AHI1: variants seen among roughly 807,000 people sequenced by gnomAD.
AHI1 encodes the protein jouberin.
A neutral mutation model predicts 149.3 loss-of-function variants in AHI1; 123 were observed. The observed-to-expected ratio is 0.82, with a 90% CI of 0.71 to 0.96. AHI1 has a LOEUF of 0.96. Ranked by LOEUF, AHI1 falls within the 40% of genes least tolerant of loss-of-function variation. The pLI, the probability that AHI1 is intolerant of heterozygous loss-of-function variation, is 0.00. For missense variants in AHI1, 1,439 were observed against 1,422.7 expected (o/e 1.01, Z -0.18); for synonymous variants, 475 against 459.8 (o/e 1.03, Z -0.42).
chr6:135,434,972 T>C (rs1043744691), intron 15 of AHI1, among the ~76,000 whole-genome samples: 4 of 152,166 alleles, frequency 2.6e-5, no homozygotes, highest in African/African-American at 9.7e-5. Flanking sequence ...GATAAACCCA[T>C]ATGGCAGAAA....
chr6:135,422,673 A>T (rs1783373444), intron 20 of AHI1, among the ~76,000 whole-genome samples: 1 of 151,832 alleles, frequency 6.6e-6, no homozygotes, highest in Admixed American at 6.6e-5. Flanking sequence ...GTATGTATGT[A>T]GAGATGAGGT....
intron 7 of AHI1, among the ~76,000 whole-genome samples, chr6:135,463,571 T>G (rs1027803087): frequency 6.6e-6 from 1 of 152,100 alleles, no homozygotes; most frequent in African/African-American, 2.4e-5. Flanking sequence ...GAAATTGTAT[T>G]AATATTTTAT....
chr6:135,331,060 T>C (rs903348823), intron 24 of AHI1, among the ~76,000 whole-genome samples: 2 of 152,374 alleles, frequency 1.3e-5, no homozygotes, highest in Admixed American at 6.5e-5. Flanking sequence ...GGCATCACTA[T>C]AGAAATATCT....
At chr6:135,459,826 G>A (rs899310653) in intron 8 of AHI1, among the ~76,000 whole-genome samples, 5 of 151,198 alleles carry the variant, frequency 3.3e-5, no homozygotes, top group Non-Finnish European at 7.4e-5. Flanking sequence ...CATAAGGACT[G>A]AAAAAGAAGC....
chr6:135,422,670 T>C (rs1018042302), intron 20 of AHI1, among the ~76,000 whole-genome samples: 2 of 151,762 alleles, frequency 1.3e-5, no homozygotes, highest in African/African-American at 4.8e-5. Context: ...CATGTATGTA[T>C]GTAGAGATGA....
chr6:135,481,193 G>A (rs558961843), intron 5 of AHI1, among the ~76,000 whole-genome samples: 1 of 152,330 alleles, frequency 6.6e-6, no homozygotes, highest in African/African-American at 2.4e-5. Context: ...CTCATCAGAT[G>A]TGAATCCTTG....
chr6:135,297,441 G>C lies in AHI1; in HGVS notation c.3485+3059C>G, dbSNP rs1462022963. 1.3e-5 allele frequency: 6 copies of C among 455,990 alleles called. No individual in the cohort carries two copies. The East Asian group carries it at 2.1e-4, about 16-fold the overall frequency. 28.2% of individuals were successfully genotyped at this position (455,990 alleles called of 1,614,324 possible). On this transcript the variant is annotated intron_variant, in intron 27 of 28. Coordinates refer to ENST00000265602, the MANE Select transcript of AHI1 (RefSeq NM_001134831.2). ...AAAACTCAAGCCTTACCTTTATCTA[G>C]AGGCCTTCTCTAGCTATGCATATTC...
chr6:135,407,411 G>A (rs1218742716), intron 21 of AHI1, among the ~76,000 whole-genome samples: 4 of 152,140 alleles, frequency 2.6e-5, no homozygotes, highest in East Asian at 1.9e-4. Context: ...GAATAAAGAC[G>A]ACACTTTGTT....
intron 10 of AHI1, among the ~76,000 whole-genome samples, chr6:135,453,958 A>G (rs1193284814): frequency 6.6e-6 from 1 of 152,104 alleles, no homozygotes; most frequent in Non-Finnish European, 1.5e-5. Context: ...TGCCACAGAG[A>G]TCGTATTCTA....
At chr6:135,360,005 A>T (rs1793607075) in intron 23 of AHI1, among the ~76,000 whole-genome samples, 1 of 152,174 alleles carries the variant, frequency 6.6e-6, no homozygotes, top group Admixed American at 6.5e-5. Flanking sequence ...CTTAGTTTTA[A>T]ATTTAGATTA....
At position 135,466,144 on chromosome 6, in the gene AHI1, TC is replaced by T. The variant is rs1790716969; in HGVS notation, c.418del (p.Asp140ThrfsTer2). The stretch of plus-strand genomic sequence containing the variant: ...ATTCTCAGGAGTTTCCGGTTTCAGG[TC>T]TTGTGTAGTCAACTGGGGCACCGTC... ...IKTVPQLTTQDLKPETPENKV... is the reference protein window; with the variant it reads ...IKTVPQLTTQXLKPETPENKV... On this transcript the variant is annotated frameshift_variant, in exon 7 of 29. Coordinates refer to ENST00000265602, the MANE Select transcript of AHI1 (RefSeq NM_001134831.2). LOFTEE classifies it high-confidence loss of function. 1 of 1,613,802 alleles carries T rather than the reference TC, an allele frequency of 6.2e-7. No individual in the cohort carries two copies. The highest frequency in any genetic ancestry group is 8.5e-7 in the Non-Finnish European group (1 of 1,179,860).
At chr6:135,438,321 T>C (rs1354351870) in intron 15 of AHI1, 54 bp downstream of exon 15, 3 of 1,455,666 alleles carry the variant, frequency 2.1e-6, no homozygotes, top group African/African-American at 2.8e-5. Context: ...ATATTCTCTT[T>C]GCTTTCCTTG....
intron 23 of AHI1, among the ~76,000 whole-genome samples, chr6:135,363,677 G>A (rs1243421147): frequency 1.3e-5 from 2 of 150,006 alleles, no homozygotes; most frequent in African/African-American, 2.5e-5. Flanking sequence ...CGGGCGGGGG[G>A]CTGACCCCCC....
intron 24 of AHI1, among the ~76,000 whole-genome samples, chr6:135,324,176 A>C (rs937039324): frequency 2.6e-5 from 4 of 152,108 alleles, no homozygotes; most frequent in African/African-American, 9.7e-5. Context: ...ACAACAAAAA[A>C]AATTAGTTGG....
chr6:135,361,060 G>A (rs1162937395), intron 23 of AHI1, among the ~76,000 whole-genome samples: 2 of 152,002 alleles, frequency 1.3e-5, no homozygotes, highest in East Asian at 1.9e-4. Flanking sequence ...TAGTCAAATA[G>A]TTTTACTCTT....
At chr6:135,493,345 A>G (rs919839963) in intron 3 of AHI1, among the ~76,000 whole-genome samples, 1 of 152,202 alleles carries the variant, frequency 6.6e-6, no homozygotes, top group Non-Finnish European at 1.5e-5. Flanking sequence ...ATCCACATTC[A>G]TGTTCCTCTT....
At chr6:135,304,736 A>C (rs1046933081) in intron 26 of AHI1, among the ~76,000 whole-genome samples, 2 of 152,098 alleles carry the variant, frequency 1.3e-5, no homozygotes, top group African/African-American at 4.8e-5. Context: ...GTGCCACGGC[A>C]CTCCAACCTG....
At chr6:135,393,634 T>A (rs561018708) in intron 23 of AHI1, among the ~76,000 whole-genome samples, 35 of 152,236 alleles carry the variant, frequency 2.3e-4, no homozygotes, top group Non-Finnish European at 4.3e-4. Flanking sequence ...AATTAAACAT[T>A]TCTAAGGTTT....
At chr6:135,461,144 G>A (rs1029706622) in intron 8 of AHI1, among the ~76,000 whole-genome samples, 1 of 151,918 alleles carries the variant, frequency 6.6e-6, no homozygotes, top group African/African-American at 2.4e-5. Context: ...CGACATTTGC[G>A]ATATAAATGT....
Sources: gnomAD v4.1 joint callset for allele counts (sites outside exome capture counted in the v4.1 genomes callset) on GRCh38, gnomAD v4.1.1 for gene constraint, MANE v1.5 for transcripts, NCBI Gene and HGNC (gene_info 2026-07-23, HGNC 2026-07-21) for gene names.